The following ADAM12 variants were observed in gnomAD, a reference collection of about 807,000 sequenced individuals.
ADAM12 encodes disintegrin and metalloproteinase domain-containing protein 12.
In ADAM12, 70 loss-of-function variants were observed where a neutral mutation model predicts 106.4. That is an observed-to-expected ratio of 0.66 (90% confidence interval 0.54 to 0.80). ADAM12 has a LOEUF of 0.80. Among genes scored for constraint, ADAM12 ranks in the 30% least tolerant of loss-of-function variants. The pLI is 0.00. For missense variants in ADAM12, 1,010 were observed against 1,171.9 expected, an observed-to-expected ratio of 0.86 and a Z score of 2.02; for synonymous variants, 420 against 433.5, an observed-to-expected ratio of 0.97 and a Z score of 0.39.
chr10:126,115,075 A>G (rs1022638237), intron 6 of ADAM12, among the ~76,000 whole-genome samples: 1 of 152,216 alleles, frequency 6.6e-6, no homozygotes, highest in Admixed American at 6.5e-5. Context: ...CCTTCGAGGA[A>G]GCAAAACAGC....
chr10:126,336,373 T>A (rs1854699994), intron 1 of ADAM12, among the ~76,000 whole-genome samples: 1 of 152,184 alleles, frequency 6.6e-6, no homozygotes, highest in Admixed American at 6.5e-5. Context: ...GGATGACTGG[T>A]TATCACTGGG....
chr10:126,183,199 C>T (rs7911907), intron 3 of ADAM12, among the ~76,000 whole-genome samples: 294 of 152,204 alleles, frequency 1.9e-3, no homozygotes, highest in African/African-American at 6.7e-3. Flanking sequence ...TCAGGGCTCC[C>T]GCTGATTCTA....
intron 6 of ADAM12, among the ~76,000 whole-genome samples, chr10:126,113,733 A>ATATATATATATATATAT (rs1955928342): frequency 1.2e-5 from 1 of 83,968 alleles, no homozygotes; most frequent in East Asian, 4.2e-4. Flanking sequence ...TATATATATA[A>ATATATATATATATATAT]TATATTGCTC....
chr10:126,248,208 G>C (rs996700902), intron 3 of ADAM12, among the ~76,000 whole-genome samples: 4 of 152,178 alleles, frequency 2.6e-5, no homozygotes, highest in African/African-American at 9.7e-5. Context: ...CATAATTCAC[G>C]TATTCTTTCC....
intron 3 of ADAM12, among the ~76,000 whole-genome samples, chr10:126,211,430 C>G (rs1957898894): frequency 1.3e-5 from 2 of 152,194 alleles, no homozygotes; most frequent in African/African-American, 2.4e-5. Context: ...CACATATTCT[C>G]AAAGGAGAAA....
At chr10:126,145,851 G>A (rs931210532) in intron 4 of ADAM12, among the ~76,000 whole-genome samples, 2 of 152,206 alleles carry the variant, frequency 1.3e-5, no homozygotes, top group Non-Finnish European at 2.9e-5. Context: ...ATGAATGACT[G>A]AATAAACATA....
At chr10:126,118,356 T>G (rs1956026197) in intron 5 of ADAM12, 132 bp from the exon 6 acceptor site, 1 of 681,588 alleles carries the variant, frequency 1.5e-6, no homozygotes, top group East Asian at 2.7e-5. Context: ...AGATTTTGAT[T>G]GGAAAGGACG....
chr10:126,107,336 T>C (rs889289033), intron 8 of ADAM12, among the ~76,000 whole-genome samples: 4 of 152,068 alleles, frequency 2.6e-5, no homozygotes, highest in African/African-American at 7.2e-5. Context: ...CCTTGGACCA[T>C]GCTGTGTGGG....
chr10:126,080,518 C>A (rs1273952379), intron 11 of ADAM12, among the ~76,000 whole-genome samples: 3 of 149,102 alleles, frequency 2.0e-5, no homozygotes, highest in Non-Finnish European at 4.4e-5. Context: ...ATGGTGATAC[C>A]TGCGGCCCAG....
At chr10:126,289,194 C>T (rs899327601) in intron 2 of ADAM12, among the ~76,000 whole-genome samples, 1 of 152,204 alleles carries the variant, frequency 6.6e-6, no homozygotes, top group Non-Finnish European at 1.5e-5. Context: ...CAGCCTCTGA[C>T]CAGGCCCCAG....
At chr10:126,226,962 G>A (rs73382664) in intron 3 of ADAM12, among the ~76,000 whole-genome samples, 16,269 of 152,108 alleles carry the variant, frequency 0.11, 1,951 homozygotes, top group African/African-American at 0.28. Context: ...CTTGATGCTT[G>A]TTCTCTGAAA....
intron 3 of ADAM12, among the ~76,000 whole-genome samples, chr10:126,166,647 T>C (rs1001804251): frequency 6.6e-6 from 1 of 152,144 alleles, no homozygotes; most frequent in East Asian, 1.9e-4. Flanking sequence ...TACAGGCATG[T>C]GCCACCACAC....
At chr10:126,379,143 A>G (rs1458643739) in intron 1 of ADAM12, among the ~76,000 whole-genome samples, 1 of 152,196 alleles carries the variant, frequency 6.6e-6, no homozygotes, top group Admixed American at 6.5e-5. Context: ...TGATTTCTCA[A>G]GGATCTAGAA....
intron 5 of ADAM12, among the ~76,000 whole-genome samples, chr10:126,121,121 AGTATATATAC>A (rs1565073939): frequency 2.7e-5 from 1 of 36,456 alleles, no homozygotes; most frequent in Non-Finnish European, 5.2e-5. Flanking sequence ...GTATATATAT[AGTATATATAC>A]TATATACTAT....
intron 1 of ADAM12, among the ~76,000 whole-genome samples, chr10:126,367,031 T>C (rs1483088588): frequency 1.3e-5 from 2 of 152,018 alleles, no homozygotes; most frequent in Admixed American, 6.5e-5. Context: ...CAAAAAATAT[T>C]AGTAAGCTTA....
At chr10:126,051,536 C>CCCATCCACCCAT (rs754610395) in intron 14 of ADAM12, among the ~76,000 whole-genome samples, 7 of 118,890 alleles carry the variant, frequency 5.9e-5, no homozygotes, top group Non-Finnish European at 1.1e-4. Context: ...CAGCCAGCCA[C>CCCATCCACCCAT]CCATCCATCC....
At chr10:126,258,304 C>T (rs941730979) in intron 3 of ADAM12, among the ~76,000 whole-genome samples, 1 of 152,284 alleles carries the variant, frequency 6.6e-6, no homozygotes, top group Non-Finnish European at 1.5e-5. Context: ...ATCACTTTCA[C>T]CTGCATCTAA....
chr10:126,231,725 C>T (rs1406508219), intron 3 of ADAM12, among the ~76,000 whole-genome samples: 1 of 152,212 alleles, frequency 6.6e-6, no homozygotes, highest in Admixed American at 6.5e-5. Flanking sequence ...TGCCTTAGGT[C>T]CTGAACTGCC....
chr10:126,027,353 A>G (rs1354172097), intron 21 of ADAM12, among the ~76,000 whole-genome samples: 1 of 152,208 alleles, frequency 6.6e-6, no homozygotes, highest in Non-Finnish European at 1.5e-5. Context: ...TGGAAAGAAG[A>G]GACTCCTCTC....
Sources: allele counts gnomAD v4.1 joint callset (sites outside exome capture counted in the v4.1 genomes callset), GRCh38; gene constraint gnomAD v4.1.1; transcripts MANE v1.5; gene names NCBI Gene and HGNC (gene_info 2026-07-23, HGNC 2026-07-21).